ASPM: variants seen among roughly 807,000 people sequenced by gnomAD.
ASPM encodes the protein assembly factor for spindle microtubules.
A neutral mutation model predicts 366.4 loss-of-function variants in ASPM; 256 were observed. The observed-to-expected ratio is 0.70, with a 90% CI of 0.63 to 0.77. The LOEUF (loss-of-function observed/expected upper bound fraction) is 0.77. Ranked by LOEUF, ASPM falls within the 30% of genes least tolerant of loss-of-function variation. ASPM has a pLI of 0.00. For synonymous variants in ASPM, 1,414 were observed against 1,342.9 expected, an observed-to-expected ratio of 1.05 and a Z score of -1.16; for missense variants, 4,146 against 4,090.4, an observed-to-expected ratio of 1.01 and a Z score of -0.37.
rs531131529 is a variant in ASPM, at chr1:197,105,128, T to C, written c.4123A>G (p.Ile1375Val). The stretch of plus-strand genomic sequence containing the variant: ...ATTCTTATCCTAGATTGCAGGATGA[T>C]TGAATAATATTTCAATTTCAGAAAT... ...QRFLKLKYYS[I>V]ILQSRIRMII... The change falls in exon 18 of 28, where the codon ATC becomes GTC. Residue 1375 changes from isoleucine to valine, a missense_variant. Around this residue, in one of 3 missense-constraint regions of ASPM, gnomAD observed 3,624 missense variants for 3,591.7 expected, o/e 1.01. Transcript: ENST00000367409. The C allele has an allele frequency of 2.9e-5, 47 of 1,608,828 alleles. No individual in the cohort carries two copies. Among genetic ancestry groups the C allele is most frequent in the East Asian group, 1.3e-4 (6 of 44,722 alleles).
rs547397488 is a variant in ASPM at position 197,138,849 on chromosome 1, T to C, written c.2026+918A>G. On this transcript the variant is annotated intron_variant, in intron 4 of 27. Coordinates refer to ENST00000367409, the MANE Select transcript of ASPM (RefSeq NM_018136.5). ...TTATAAAAAATCTATTATTTCTCCT[T>C]CCAGTTGTTTTTTCTCTTCTTCGAG... The C allele has an allele frequency of 3.0e-5, 26 of 866,146 alleles. No homozygotes were observed. The East Asian group carries it at 5.8e-4, about 19-fold the overall frequency. 53.7% of individuals were successfully genotyped at this position (866,146 alleles called of 1,614,324 possible).
At position 197,100,500 on chromosome 1, in the gene ASPM, T is replaced by C. The variant is rs200780794; in HGVS notation, c.8751A>G (p.Gln2917=). ...TCTGTATAAATCCTTTACTTCTAGC[T>C]TGAATAATGATAACACTGCTTCTGA... The part of the protein sequence containing the change: ...LQIRSSVIII[Q]ARSKGFIQKR... The change falls in exon 18 of 28, where the codon CAA becomes CAG. Residue 2917 remains glutamine (Q), a synonymous_variant. Coordinates refer to ENST00000367409, the MANE Select transcript of ASPM (RefSeq NM_018136.5). The C allele has an allele frequency of 6.2e-7, 1 of 1,609,028 alleles. No homozygotes were observed. The highest frequency in any genetic ancestry group is 2.2e-5 in the East Asian group (1 of 44,702).
intron 17 of ASPM, among the ~76,000 whole-genome samples, chr1:197,109,206 C>CGA: frequency 6.6e-6 from 1 of 151,808 alleles, no homozygotes; most frequent in East Asian, 1.9e-4. Context: ...AAAATAATAA[C>CGA]ATGTCAACAA....
At position 197,135,151 on chromosome 1, in the gene ASPM, C is replaced by A. The variant is rs1424065329; in HGVS notation, c.2118G>T (p.Trp706Cys). ...KEKQEQGFTW[W>C]LNFILTPDDF... ...CATCAGGGGTTAATATAAAATTTAA[C>A]CACCAAGTGAAGCCCTGTTCCTGCT... The change falls in exon 5 of 28, where the codon TGG becomes TGT. Residue 706 changes from tryptophan to cysteine, a missense_variant. Coordinates refer to ENST00000367409, the MANE Select transcript of ASPM (RefSeq NM_018136.5). 6.2e-7 allele frequency: 1 copy of A among 1,612,204 alleles called. No homozygotes were observed. Among genetic ancestry groups the A allele is most frequent in the Non-Finnish European group, 8.5e-7 (1 of 1,178,378 alleles).
chr1:197,124,620 G>C (rs1425175499), intron 12 of ASPM, among the ~76,000 whole-genome samples: 1 of 151,660 alleles, frequency 6.6e-6, no homozygotes, highest in Non-Finnish European at 1.5e-5. Context: ...GTAAACTGTA[G>C]TTTCAGTTTC....
chr1:197,135,052 C>T (rs1433631150), intron 5 of ASPM, 44 bp downstream of exon 5: 1 of 1,337,582 alleles, frequency 7.5e-7, no homozygotes, highest in African/African-American at 1.5e-5. Flanking sequence ...AAATCTTTAT[C>T]TGTTAAAAGT....
rs77334194 is a variant in ASPM at position 197,106,197 on chromosome 1, G to C, written c.4066-1012C>G. ...CATCCCTTTTCCTGACCCTTTTCCT[G>C]TAAGTTTTATTGTCTTCTTCCTCTA... On this transcript the variant is annotated intron_variant, in intron 17 of 27. Coordinates refer to ENST00000367409, the MANE Select transcript of ASPM (RefSeq NM_018136.5). 7.4e-3 allele frequency among the ~76,000 whole-genome samples: 1,121 copies of C among 151,958 alleles called. 13 individuals are homozygous for C. The highest frequency in any genetic ancestry group is 0.026 in the African/African-American group (1,072 of 41,466).
At chr1:197,106,091 T>C (rs1046852368) in intron 17 of ASPM, among the ~76,000 whole-genome samples, 3 of 152,000 alleles carry the variant, frequency 2.0e-5, no homozygotes, top group Non-Finnish European at 2.9e-5. Context: ...CGCTCTCCTA[T>C]AGCAGTATCG....
intron 27 of ASPM, among the ~76,000 whole-genome samples, chr1:197,085,199 C>T (rs1656550033): frequency 6.6e-6 from 1 of 152,146 alleles, no homozygotes. Flanking sequence ...CATTCCTATA[C>T]AGCTGCATAT....
intron 4 of ASPM, chr1:197,139,322 C>A: frequency 1.4e-6 from 1 of 734,214 alleles, no homozygotes. Flanking sequence ...TTTGGCCGGG[C>A]GCGGTGGCTC....
At position 197,101,892 on chromosome 1, in the gene ASPM, T is replaced by C. The variant is rs1306632803; in HGVS notation, c.7359A>G (p.Gln2453=). Residue 2453 remains glutamine, a synonymous_variant, in exon 18 of 28, where the codon CAA becomes CAG. Coordinates refer to ENST00000367409, the MANE Select transcript of ASPM (RefSeq NM_018136.5). Reference sequence around the variant, plus strand: ...TGGCTGCCTTTCTTAAGTGCAAGAATTGGTACAATTTATGTTTGGCACAAA... The same window carrying C: ...TGGCTGCCTTTCTTAAGTGCAAGAACTGGTACAATTTATGTTTGGCACAAA... ...ATICAKHKLY[Q]FLHLRKAAIT... 5.0e-6 allele frequency: 8 copies of C among 1,612,754 alleles called. No homozygotes were observed. The highest frequency in any genetic ancestry group is 2.2e-5 in the South Asian group (2 of 91,070).
rs368796558 is a variant in ASPM, at chr1:197,129,962, A to G, written c.2582T>C (p.Ile861Thr). ...AGTGGGGTGTCTATACTCAGCTGCT[A>G]TATCAGGATTCCAAAGTAGGCGATT... The part of the protein sequence containing the change: ...ILNRLLWNPD[I>T]AAEYRHPTVP... The change falls in exon 8 of 28, where the codon ATA becomes ACA. Residue 861 changes from isoleucine (I) to threonine (T), a missense_variant. Physicochemically the swap from Ile to Thr is moderately conservative, Grantham distance 89. This residue lies in a region of ASPM where 3,624 missense variants were observed against 3,591.7 expected (regional missense o/e 1.01). Coordinates refer to ENST00000367409, the MANE Select transcript of ASPM (RefSeq NM_018136.5). 15 of 1,613,890 alleles carry G rather than the reference A, an allele frequency of 9.3e-6. No individual in the cohort carries two copies. Among genetic ancestry groups the G allele is most frequent in the South Asian group, 2.2e-5 (2 of 91,086 alleles).
Position 197,090,768 on chromosome 1 carries a change from A to G in ASPM, c.9636+82T>C. 13 of 1,311,578 alleles carry G rather than the reference A, an allele frequency of 9.9e-6. No homozygotes were observed. The South Asian group carries it at 1.6e-4, about 16-fold the overall frequency. The allele number at this position is 1,311,578 out of a possible 1,614,324, so 81.2% of individuals were successfully genotyped here. A position where few individuals can be genotyped will look rare whatever the true frequency, so the allele number is the denominator to read the frequency against. On this transcript the variant is annotated intron_variant, in intron 23 of 27. Coordinates refer to ENST00000367409, the MANE Select transcript of ASPM (RefSeq NM_018136.5). ...AATGCGTTAGCTTTTTAAAATGGTA[A>G]CTATGTTTTTATAGTGTTAGATATC...
chr1:197,101,563 G>GTGCTT lies in ASPM; in HGVS notation c.7683_7687dup (p.Thr2563LysfsTer55). The GTGCTT allele has an allele frequency of 6.2e-7, 1 of 1,609,500 alleles. No homozygotes were observed. Among genetic ancestry groups the GTGCTT allele is most frequent in the Non-Finnish European group, 8.5e-7 (1 of 1,178,974 alleles). On this transcript the variant is annotated frameshift_variant, in exon 18 of 28. Coordinates refer to ENST00000367409, the MANE Select transcript of ASPM (RefSeq NM_018136.5). LOFTEE classifies it high-confidence loss of function. ...ACAATACTGCCTATACATTCTGTAG[G>GTGCTT]TGCTTTGTATTACGATAGAAGCTTT...
At position 197,084,327 on chromosome 1, in the gene ASPM, A is replaced by T. The variant is rs1656519083; in HGVS notation, c.10431T>A (p.Tyr3477Ter). ...ATACTGAAAATGTTTACATTTACTAATAAGGAATGCCAAGCGTATCCATCA... is the reference window on the plus strand; with the variant it reads ...ATACTGAAAATGTTTACATTTACTATTAAGGAATGCCAAGCGTATCCATCA... ...QMVMDTLGIP[Y>*] Residue 3477 changes from tyrosine to a stop codon, truncating the protein, a stop_gained, in exon 28 of 28, where the codon TAT (tyrosine) becomes TAA (stop). Transcript: ENST00000367409. LOFTEE classifies it high-confidence loss of function. 1.2e-6 allele frequency: 2 copies of T among 1,602,052 alleles called. No homozygotes were observed. The highest frequency in any genetic ancestry group is 4.5e-5 in the East Asian group (2 of 44,706).
In ASPM at chr1:197,104,510, T is replaced by C; in HGVS notation, c.4741A>G (p.Asn1581Asp). 6.2e-7 allele frequency: 1 copy of C among 1,612,522 alleles called. No homozygotes were observed. The change falls in exon 18 of 28, where the codon AAC (asparagine) becomes GAC (aspartate). Residue 1581 changes from asparagine to aspartate, a missense_variant. This residue lies in a region of ASPM where 3,624 missense variants were observed against 3,591.7 expected (regional missense o/e 1.01). Transcript: ENST00000367409. ...RMRQDRVRFLNLKKTIIKFQA... is the reference protein window; with the variant it reads ...RMRQDRVRFLDLKKTIIKFQA... The stretch of plus-strand genomic sequence containing the variant: ...AATTTGATAATAGTCTTCTTAAGGT[T>C]TAAAAATCGAACTCTGTCTTGTCTC...
In ASPM at chr1:197,102,094, T is replaced by A. The variant is rs137890991; in HGVS notation, c.7157A>T (p.His2386Leu). 1.2e-6 allele frequency: 2 copies of A among 1,612,848 alleles called. No individual in the cohort carries two copies. The highest frequency in any genetic ancestry group is 1.7e-6 in the Non-Finnish European group (2 of 1,179,262). Residue 2386 changes from histidine (H) to leucine (L), a missense_variant, in exon 18 of 28, where the codon CAC (histidine) becomes CTC (leucine). By Grantham distance (99) the His-to-Leu change is moderately conservative. Coordinates refer to ENST00000367409, the MANE Select transcript of ASPM (RefSeq NM_018136.5). ...LQRQHYLRQRHSAVILQAAFR... is the reference protein window; with the variant it reads ...LQRQHYLRQRLSAVILQAAFR... Reference sequence around the variant, plus strand: ...TGCAGCCTGAAGGATCACAGCAGAGTGTCTTTGTCTGAGATAATGCTGCCT... The same window carrying A: ...TGCAGCCTGAAGGATCACAGCAGAGAGTCTTTGTCTGAGATAATGCTGCCT...
In ASPM at chr1:197,142,984, G is replaced by A. The variant is rs777329514; in HGVS notation, c.1268C>T (p.Pro423Leu). ...TTTTCTCCAATCTTCAGGAGACTGT[G>A]GGACTTGAGAATTTTCATTTGATAA... ...VPLSNENSQV[P>L]QSPEDWRKSE... Residue 423 changes from proline (P) to leucine (L), a missense_variant, in exon 3 of 28, where the codon CCA (proline) becomes CTA (leucine). Pro to Leu is a moderately conservative substitution (Grantham distance 98). Around this residue, in one of 3 missense-constraint regions of ASPM, gnomAD observed 3,624 missense variants for 3,591.7 expected, o/e 1.01. Transcript: ENST00000367409. The A allele has an allele frequency of 4.3e-6, 7 of 1,613,856 alleles. No homozygotes were observed. Among genetic ancestry groups the A allele is most frequent in the Non-Finnish European group, 5.9e-6 (7 of 1,179,858 alleles).
At chr1:197,100,297 A>G in intron 18 of ASPM, 134 bp downstream of exon 18, 1 of 657,980 alleles carries the variant, frequency 1.5e-6, no homozygotes, top group Non-Finnish European at 2.5e-6. Flanking sequence ...AAAATGTTCC[A>G]CTTTGGAAGA....
Sources: allele counts gnomAD v4.1 joint callset (sites outside exome capture counted in the v4.1 genomes callset), GRCh38; gene constraint gnomAD v4.1.1; regional missense constraint gnomAD v4.1.1; transcripts MANE v1.5; gene names NCBI Gene and HGNC (gene_info 2026-07-23, HGNC 2026-07-21).